The following SEMA6A variants were observed in gnomAD, a reference collection of about 807,000 sequenced individuals.
SEMA6A encodes the protein semaphorin-6A.
SEMA6A carries 25 observed loss-of-function variants against 96.8 expected under a neutral mutation model. That is an observed-to-expected ratio of 0.26 (90% CI 0.19 to 0.36). The LOEUF is 0.36. SEMA6A is among the 10% of genes least tolerant of loss of function. The pLI, the probability that SEMA6A is intolerant of heterozygous loss-of-function variation, is 1.00. For missense variants in SEMA6A, 1,363 were observed against 1,323.1 expected, an observed-to-expected ratio of 1.03 and a Z score of -0.47; for synonymous variants, 612 against 518.0, an observed-to-expected ratio of 1.18 and a Z score of -2.46.
intron 1 of SEMA6A, chr5:116,508,384 A>T (rs1014864502): frequency 6.6e-6 from 1 of 152,246 alleles, no homozygotes; most frequent in African/African-American, 2.4e-5. Context: ...AAATGATTAC[A>T]AAGTCAGAGA....
intron 1 of SEMA6A, among the ~76,000 whole-genome samples, chr5:116,542,490 A>C (rs1055429995): frequency 1.3e-5 from 2 of 152,192 alleles, no homozygotes; most frequent in Non-Finnish European, 2.9e-5. Flanking sequence ...TGGGGTCCAG[A>C]GAATATTTGT....
intron 1 of SEMA6A, among the ~76,000 whole-genome samples, chr5:116,573,415 TATATCCTTGCC>T (rs763095853): frequency 3.9e-5 from 5 of 129,310 alleles, no homozygotes; most frequent in Non-Finnish European, 7.4e-5. Context: ...CGCGACGGGC[TATATCCTTGCC>T]GCTCGGGTTG....
Position 116,458,101 on chromosome 5 carries a change from A to T in SEMA6A, c.1894+9482T>A, listed in dbSNP as rs201348805. On this transcript the variant is annotated intron_variant, in intron 18 of 18. Coordinates refer to ENST00000343348, the MANE Select transcript of SEMA6A (RefSeq NM_020796.5). Reference sequence around the variant, plus strand: ...AAGTAAAACTTCTAACAAGCCTTTTAAAAAAAACTTGGTGAAACTAGGCTA... The same window carrying T: ...AAGTAAAACTTCTAACAAGCCTTTTTAAAAAAACTTGGTGAAACTAGGCTA... 8.5e-5 allele frequency among the ~76,000 whole-genome samples: 13 copies of T among 152,186 alleles called. No individual in the cohort carries two copies. The East Asian group carries it at 1.4e-3, about 16-fold the overall frequency.
rs1015862958 is a variant in SEMA6A, at chr5:116,497,491, T to C, written c.219-104A>G. The C allele has an allele frequency of 7.4e-5, 46 of 622,446 alleles. No individual in the cohort carries two copies. In the African/African-American group the frequency reaches 8.5e-4, roughly 12 times the overall value. 38.6% of individuals were successfully genotyped at this position (622,446 alleles called of 1,614,324 possible). A position where few individuals can be genotyped will look rare whatever the true frequency, so the allele number is the denominator to read the frequency against. ...ATCAGGGCAGATAAGCCCATATCCA[T>C]GTTCATGATATCCACATGCAAGAAG... On this transcript the variant is annotated intron_variant, in intron 3 of 18. Transcript: ENST00000343348.
chr5:116,566,822 T>A (rs575188681), intron 1 of SEMA6A, among the ~76,000 whole-genome samples: 289 of 152,302 alleles, frequency 1.9e-3, no homozygotes, highest in African/African-American at 6.6e-3. Context: ...AAGGCAGTAG[T>A]TTGCTTTTGC....
At chr5:116,453,763 T>C (rs1178868059) in intron 18 of SEMA6A, among the ~76,000 whole-genome samples, 1 of 152,222 alleles carries the variant, frequency 6.6e-6, no homozygotes, top group Non-Finnish European at 1.5e-5. Context: ...GCACAGCTAG[T>C]CTACCTGCAT....
intron 1 of SEMA6A, among the ~76,000 whole-genome samples, chr5:116,567,361 C>T (rs913177902): frequency 7.9e-5 from 12 of 152,056 alleles, no homozygotes; most frequent in African/African-American, 2.7e-4. Flanking sequence ...ATTACAGATT[C>T]GTAGCCATTT....
chr5:116,500,709 G>A (rs1475623232), intron 3 of SEMA6A, among the ~76,000 whole-genome samples: 1 of 151,948 alleles, frequency 6.6e-6, no homozygotes, highest in South Asian at 2.1e-4. Flanking sequence ...AGATAGAAAC[G>A]ATCTCCAATT....
At chr5:116,503,648 T>C (rs1425550789) in intron 2 of SEMA6A, among the ~76,000 whole-genome samples, 1 of 151,932 alleles carries the variant, frequency 6.6e-6, no homozygotes, top group Non-Finnish European at 1.5e-5. Context: ...TAGCTGGAAC[T>C]ACAGGCATGC....
At chr5:116,523,141 C>T (rs1759038538) in intron 1 of SEMA6A, among the ~76,000 whole-genome samples, 1 of 152,164 alleles carries the variant, frequency 6.6e-6, no homozygotes, top group African/African-American at 2.4e-5. Flanking sequence ...ATTTATTCAA[C>T]TAACACTGAG....
At chr5:116,472,112 TA>T (rs1756181115) in intron 17 of SEMA6A, among the ~76,000 whole-genome samples, 1 of 152,158 alleles carries the variant, frequency 6.6e-6, no homozygotes, top group African/African-American at 2.4e-5. Context: ...TATCATACTT[TA>T]AAAAAACACA....
chr5:116,472,971 A>G, intron 17 of SEMA6A, 102 bp downstream of exon 17: 1 of 1,515,582 alleles, frequency 6.6e-7, no homozygotes, highest in Non-Finnish European at 8.8e-7. Context: ...AATTAATTAA[A>G]AAGAAACTTA....
At chr5:116,511,080 G>A (rs1758381290) in intron 1 of SEMA6A, among the ~76,000 whole-genome samples, 1 of 152,204 alleles carries the variant, frequency 6.6e-6, no homozygotes, top group African/African-American at 2.4e-5. Context: ...TCGTCCTTCA[G>A]TATCTGTGAG....
intron 1 of SEMA6A, among the ~76,000 whole-genome samples, chr5:116,531,377 T>A (rs1759468351): frequency 6.6e-6 from 1 of 152,148 alleles, no homozygotes; most frequent in African/African-American, 2.4e-5. Flanking sequence ...GGACCTGTAG[T>A]GCAGTGTCTC....
intron 1 of SEMA6A, among the ~76,000 whole-genome samples, chr5:116,546,525 T>C (rs1361730981): frequency 1.3e-5 from 2 of 152,236 alleles, no homozygotes; most frequent in African/African-American, 4.8e-5. Context: ...CTTGTTAAAA[T>C]GCAGATTCAT....
At chr5:116,530,163 T>C (rs1172499902) in intron 1 of SEMA6A, among the ~76,000 whole-genome samples, 1 of 152,184 alleles carries the variant, frequency 6.6e-6, no homozygotes, top group Non-Finnish European at 1.5e-5. Context: ...TCATTTGAAC[T>C]AAATGTTGTA....
intron 3 of SEMA6A, among the ~76,000 whole-genome samples, chr5:116,500,763 G>A (rs1294257644): frequency 2.0e-5 from 3 of 152,164 alleles, no homozygotes; most frequent in Admixed American, 1.3e-4. Context: ...CCGGCACTTT[G>A]AGAGGTCGAG....
intron 18 of SEMA6A, among the ~76,000 whole-genome samples, chr5:116,464,232 A>G (rs1755588388): frequency 6.6e-6 from 1 of 152,238 alleles, no homozygotes; most frequent in African/African-American, 2.4e-5. Context: ...AAACCAAGAC[A>G]GAAGTAGTCA....
chr5:116,505,501 G>T (rs1045789371), intron 1 of SEMA6A, among the ~76,000 whole-genome samples: 1 of 151,088 alleles, frequency 6.6e-6, no homozygotes, highest in Non-Finnish European at 1.5e-5. Context: ...AACTCATCCT[G>T]TTTACTAATT....
Sources: allele counts gnomAD v4.1 joint callset (sites outside exome capture counted in the v4.1 genomes callset), GRCh38; gene constraint gnomAD v4.1.1; transcripts MANE v1.5; gene names NCBI Gene and HGNC (gene_info 2026-07-23, HGNC 2026-07-21).